The following LPP variants were observed in gnomAD, a reference collection of about 807,000 sequenced individuals.
LPP encodes LIM domain containing preferred translocation partner in lipoma.
Under a neutral mutation model 60.4 loss-of-function variants are expected in LPP, and 38 were observed. The ratio of observed to expected loss-of-function variants is 0.63; its 90% CI spans 0.49 to 0.83. LPP has a LOEUF of 0.83. Among genes scored for constraint, LPP ranks in the 40% least tolerant of loss-of-function variants. LPP has a pLI of 0.00. For synonymous variants in LPP, 328 were observed against 290.8 expected, an observed-to-expected ratio of 1.13 and a Z score of -1.30; for missense variants, 902 against 783.6, an observed-to-expected ratio of 1.15 and a Z score of -1.80.
intron 2 of LPP, among the ~76,000 whole-genome samples, chr3:188,275,498 G>A (rs560804171): frequency 6.6e-6 from 1 of 152,108 alleles, no homozygotes; most frequent in African/African-American, 2.4e-5. Flanking sequence ...TAGCTGGGAC[G>A]GTGGGTGTGC....
rs1393325610 is a variant in LPP at position 188,610,702 on chromosome 3, C to G, written c.1113+858C>G. 6.6e-6 allele frequency among the ~76,000 whole-genome samples: 1 copy of G among 152,188 alleles called. No homozygotes were observed. The highest frequency in any genetic ancestry group is 1.5e-5 in the Non-Finnish European group (1 of 68,034). ...TAAGGTGTAATACTACACATGCCCA[C>G]TCACCACAACTTGGATTTTTCATTA... On this transcript the variant is annotated intron_variant, in intron 7 of 11. Transcript: ENST00000617246. This position sits in a 1 kb window ranked among gnomAD's most constrained non-coding sequence, Gnocchi z 4.4.
intron 6 of LPP, among the ~76,000 whole-genome samples, chr3:188,552,866 C>T (rs542771083): frequency 5.9e-5 from 9 of 152,078 alleles, no homozygotes; most frequent in African/African-American, 1.7e-4. Flanking sequence ...TTCACAAGTT[C>T]GAGGAATTAG....
At chr3:188,844,721 C>T (rs1208566987) in intron 9 of LPP, among the ~76,000 whole-genome samples, 4 of 152,162 alleles carry the variant, frequency 2.6e-5, no homozygotes, top group African/African-American at 9.7e-5. Flanking sequence ...GCGGAAGGAG[C>T]GTAGACCTAC....
At chr3:188,234,549 G>C (rs1056930109) in intron 2 of LPP, among the ~76,000 whole-genome samples, 2 of 152,280 alleles carry the variant, frequency 1.3e-5, no homozygotes. Flanking sequence ...ACTGACTTGT[G>C]AAGTGTCTTG....
At chr3:188,764,186 TA>T (rs1733292894) in intron 9 of LPP, among the ~76,000 whole-genome samples, 1 of 152,166 alleles carries the variant, frequency 6.6e-6, no homozygotes, top group Non-Finnish European at 1.5e-5. Context: ...AAAACTTTGT[TA>T]GGAAGTGATA....
At chr3:188,190,637 G>A (rs1232441126) in intron 1 of LPP, among the ~76,000 whole-genome samples, 2 of 152,188 alleles carry the variant, frequency 1.3e-5, no homozygotes, top group Non-Finnish European at 2.9e-5. Flanking sequence ...GGTGACAAGC[G>A]CTAAGCAGCA....
Position 188,609,437 on chromosome 3 carries a change from G to A in LPP, c.706G>A (p.Ala236Thr). ...AGCCCAGCCCAGCCCTCATTATATG[G>A]CTGCCCCTTCATCAGGACAAATTTA... is the stretch of plus-strand genomic sequence containing the variant. ...KSAQPSPHYM[A>T]APSSGQIYGS... The change falls in exon 7 of 12, where the codon GCT becomes ACT. Residue 236 changes from alanine to threonine, a missense_variant. Transcript: ENST00000617246. The surrounding 1 kb of genome is among the most constrained non-coding windows in gnomAD (Gnocchi z 6.9). 1.2e-6 allele frequency: 2 copies of A among 1,614,094 alleles called. No homozygotes were observed. Among genetic ancestry groups the A allele is most frequent in the Non-Finnish European group, 1.7e-6 (2 of 1,180,004 alleles).
chr3:188,873,048 T>C (rs1256328554), intron 11 of LPP, among the ~76,000 whole-genome samples: 1 of 150,540 alleles, frequency 6.6e-6, no homozygotes, highest in East Asian at 2.1e-4. Flanking sequence ...TAAAGGACAT[T>C]GTAAATTGTG....
chr3:188,669,796 A>G (rs1856595277), intron 7 of LPP, among the ~76,000 whole-genome samples: 1 of 152,218 alleles, frequency 6.6e-6, no homozygotes, highest in Admixed American at 6.5e-5. Context: ...ATAAAGACAC[A>G]TGCAGACGTA....
intron 7 of LPP, among the ~76,000 whole-genome samples, chr3:188,653,012 C>A (rs1004927201): frequency 6.6e-6 from 1 of 152,196 alleles, no homozygotes; most frequent in Non-Finnish European, 1.5e-5. Flanking sequence ...GTGTCTTTTT[C>A]CTCAGGCAGC....
chr3:188,362,775 A>G (rs1769885216), intron 3 of LPP, among the ~76,000 whole-genome samples: 2 of 152,208 alleles, frequency 1.3e-5, no homozygotes, highest in Admixed American at 6.5e-5. Context: ...CTGTTAGAAT[A>G]CGTCAGCTTC....
chr3:188,311,114 G>A (rs1453761408), intron 2 of LPP, among the ~76,000 whole-genome samples: 4 of 151,788 alleles, frequency 2.6e-5, no homozygotes, highest in Admixed American at 1.3e-4. Context: ...GTATTAAGTT[G>A]CAGAATTGAG....
intron 9 of LPP, among the ~76,000 whole-genome samples, chr3:188,805,521 G>A (rs1748841859): frequency 7.3e-6 from 1 of 137,572 alleles, no homozygotes; most frequent in Non-Finnish European, 1.5e-5. Context: ...AGAGTTTGTT[G>A]TGATTTTTTT....
chr3:188,814,572 G>T lies in LPP; in HGVS notation c.1411-51628G>T, dbSNP rs145023761. Among the ~76,000 whole-genome samples, 34 of 152,214 alleles carry T rather than the reference G, an allele frequency of 2.2e-4. No individual in the cohort carries two copies. In the East Asian group the frequency reaches 4.4e-3, roughly 20 times the overall value. The stretch of plus-strand genomic sequence containing the variant: ...TACTTTTTTTCCAAATAAATTAAAT[G>T]ACTTTCTCTAAGTCAAATGCTATTA... On this transcript the variant is annotated intron_variant, in intron 9 of 11. Coordinates refer to ENST00000617246, the MANE Select transcript of LPP (RefSeq NM_001375462.1).
chr3:188,263,343 A>T (rs906026539), intron 2 of LPP, among the ~76,000 whole-genome samples: 1 of 152,208 alleles, frequency 6.6e-6, no homozygotes, highest in African/African-American at 2.4e-5. Flanking sequence ...GTCAGACTTC[A>T]ACACAAATGC....
At chr3:188,501,573 C>A (rs1260569986) in intron 5 of LPP, among the ~76,000 whole-genome samples, 1 of 152,068 alleles carries the variant, frequency 6.6e-6, no homozygotes, top group Non-Finnish European at 1.5e-5. Context: ...CGCGGTGAAA[C>A]CCTGTCTCTA....
intron 2 of LPP, among the ~76,000 whole-genome samples, chr3:188,288,183 C>A (rs1744615969): frequency 6.6e-6 from 1 of 152,148 alleles, no homozygotes; most frequent in Non-Finnish European, 1.5e-5. Flanking sequence ...GAAAGCATTG[C>A]CTCTTTGGAA....
chr3:188,366,711 C>T (rs112132278), intron 3 of LPP, among the ~76,000 whole-genome samples: 2,838 of 152,194 alleles, frequency 0.019, 88 homozygotes, highest in African/African-American at 0.064. Flanking sequence ...CTGCTAAAAT[C>T]ACAGACTCAT....
intron 1 of LPP, chr3:188,178,581 T>C (rs1048278344): frequency 6.6e-6 from 1 of 152,316 alleles, no homozygotes; most frequent in African/African-American, 2.4e-5. Flanking sequence ...TTTACCTTTA[T>C]GGTTCTCTTA....
Sources: gnomAD v4.1 joint callset for allele counts (sites outside exome capture counted in the v4.1 genomes callset) on GRCh38, gnomAD v4.1.1 for gene constraint, Gnocchi (gnomAD v3.1) non-coding constraint, MANE v1.5 for transcripts, NCBI Gene and HGNC (gene_info 2026-07-23, HGNC 2026-07-21) for gene names.